RALYL: variants seen among roughly 807,000 people sequenced by gnomAD.
RALYL encodes the protein RNA-binding Raly-like protein.
In RALYL, 29 loss-of-function variants were observed where a neutral mutation model predicts 35.1. The observed-to-expected ratio is 0.83, with a 90% confidence interval of 0.61 to 1.13. The LOEUF (loss-of-function observed/expected upper bound fraction) is 1.13. RALYL is among the 50% of genes most tolerant of loss of function. RALYL has a pLI of 0.00. For synonymous variants in RALYL, 120 were observed against 127.6 expected, an observed-to-expected ratio of 0.94 and a Z score of 0.40; for missense variants, 359 against 360.4, an observed-to-expected ratio of 1.00 and a Z score of 0.03.
chr8:84,693,650 A>C (rs1838535716), intron 2 of RALYL, among the ~76,000 whole-genome samples: 1 of 151,946 alleles, frequency 6.6e-6, no homozygotes, highest in Non-Finnish European at 1.5e-5. Flanking sequence ...AAAGCCTGAC[A>C]AAGGCACTAC....
chr8:84,217,340 T>C (rs1821073516), intron 1 of RALYL, among the ~76,000 whole-genome samples: 1 of 152,110 alleles, frequency 6.6e-6, no homozygotes. Flanking sequence ...ATAAAAATTG[T>C]CTAGCAAATA....
intron 8 of RALYL, among the ~76,000 whole-genome samples, chr8:84,906,282 ATTT>A (rs5892933): frequency 6.6e-6 from 1 of 151,908 alleles, no homozygotes; most frequent in East Asian, 2.0e-4. Context: ...GACTTTAATG[ATTT>A]TTTTCTAGCT....
chr8:84,261,650 A>G (rs2895920), intron 1 of RALYL, among the ~76,000 whole-genome samples: 66,122 of 152,006 alleles, frequency 0.43, 14,569 homozygotes, highest in East Asian at 0.53. Flanking sequence ...TTTTTTTTCT[A>G]TAGAACACTA....
intron 3 of RALYL, among the ~76,000 whole-genome samples, chr8:84,796,469 A>G (rs1256927529): frequency 6.6e-6 from 1 of 152,224 alleles, no homozygotes; most frequent in Non-Finnish European, 1.5e-5. Flanking sequence ...TTAAATCTTT[A>G]GGCAATAAAT....
intron 2 of RALYL, among the ~76,000 whole-genome samples, chr8:84,719,322 C>A (rs1399794684): frequency 4.6e-5 from 7 of 152,096 alleles, no homozygotes; most frequent in Non-Finnish European, 8.8e-5. Flanking sequence ...TAGTCATTTG[C>A]CCCAAATATG....
chr8:84,847,234 T>A (rs1834854372), intron 4 of RALYL, among the ~76,000 whole-genome samples: 1 of 152,170 alleles, frequency 6.6e-6, no homozygotes, highest in South Asian at 2.1e-4. Flanking sequence ...TCTGTGGGGA[T>A]CATGGCATCT....
In RALYL at chr8:84,732,529, G is replaced by T. The variant is rs1018122722; in HGVS notation, c.257-42050G>T. Among the ~76,000 whole-genome samples the T allele has an allele frequency of 5.3e-5, 8 of 151,568 alleles. 1 individual carries two copies. Among genetic ancestry groups the T allele is most frequent in the African/African-American group, 9.7e-5 (4 of 41,238 alleles). ...CAGGGTCACAAAGAACAAAACTAAT[G>T]TTTTTTGAGGGAGAAATGTCATTTC... On this transcript the variant is annotated intron_variant, in intron 2 of 8. Coordinates refer to ENST00000521268, the MANE Select transcript of RALYL (RefSeq NM_173848.7).
At chr8:84,350,197 A>G (rs1301372129) in intron 1 of RALYL, among the ~76,000 whole-genome samples, 1 of 150,428 alleles carries the variant, frequency 6.6e-6, no homozygotes, top group East Asian at 1.9e-4. Flanking sequence ...AATATCCACC[A>G]CAGTTGGCTA....
chr8:84,782,451 G>A (rs987527625), intron 3 of RALYL, among the ~76,000 whole-genome samples: 22 of 152,214 alleles, frequency 1.4e-4, no homozygotes, highest in African/African-American at 5.3e-4. Flanking sequence ...GGGATAGAAA[G>A]GGCTGAAATT....
chr8:84,352,016 C>T (rs915536447), intron 1 of RALYL, among the ~76,000 whole-genome samples: 2 of 150,292 alleles, frequency 1.3e-5, no homozygotes, highest in African/African-American at 5.0e-5. Flanking sequence ...AAACCTGAAT[C>T]TTACCCCACA....
At chr8:84,765,132 C>T (rs865896092) in intron 2 of RALYL, among the ~76,000 whole-genome samples, 1 of 152,154 alleles carries the variant, frequency 6.6e-6, no homozygotes, top group Non-Finnish European at 1.5e-5. Flanking sequence ...ATTTTCTTCT[C>T]CTCTGCTGCC....
chr8:84,351,453 C>T (rs1477745204), intron 1 of RALYL, among the ~76,000 whole-genome samples: 4 of 149,642 alleles, frequency 2.7e-5, no homozygotes, highest in Non-Finnish European at 5.9e-5. Context: ...TCCTGTGGTA[C>T]AGAGGGACTT....
At chr8:84,706,099 G>T in intron 2 of RALYL, 1 of 1,524,174 alleles carries the variant, frequency 6.6e-7, no homozygotes, top group Non-Finnish European at 8.8e-7. Flanking sequence ...TATCACTGGG[G>T]TAGGGAAAAC....
intron 4 of RALYL, among the ~76,000 whole-genome samples, chr8:84,824,552 C>A (rs1465084423): frequency 2.6e-5 from 4 of 152,068 alleles, no homozygotes; most frequent in Non-Finnish European, 4.4e-5. Context: ...GCCTGAATAT[C>A]CAAAACAATC....
chr8:84,619,239 G>T (rs578191671), intron 2 of RALYL, among the ~76,000 whole-genome samples: 1 of 151,864 alleles, frequency 6.6e-6, no homozygotes, highest in Non-Finnish European at 1.5e-5. Context: ...AAGTCTCTTT[G>T]TAGGTCACTC....
intron 8 of RALYL, among the ~76,000 whole-genome samples, chr8:84,905,486 G>A (rs1846334676): frequency 6.6e-6 from 1 of 152,112 alleles, no homozygotes; most frequent in Non-Finnish European, 1.5e-5. Context: ...TATTTGGGGA[G>A]AGGGGGACCT....
chr8:84,446,505 G>A (rs932499851), intron 1 of RALYL, among the ~76,000 whole-genome samples: 2 of 151,988 alleles, frequency 1.3e-5, no homozygotes, highest in Non-Finnish European at 2.9e-5. Flanking sequence ...GCTGTCTCAT[G>A]GACCATCTGT....
At chr8:84,622,567 G>T (rs1257157887) in intron 2 of RALYL, among the ~76,000 whole-genome samples, 1 of 152,084 alleles carries the variant, frequency 6.6e-6, no homozygotes, top group African/African-American at 2.4e-5. Flanking sequence ...TGTGTCCAGG[G>T]ATCAGGACAA....
chr8:84,788,412 A>G (rs1820043285), intron 3 of RALYL, among the ~76,000 whole-genome samples: 2 of 152,204 alleles, frequency 1.3e-5, no homozygotes, highest in African/African-American at 2.4e-5. Flanking sequence ...TACATAATGC[A>G]ATTTTTCTTT....
Sources: gnomAD v4.1 joint callset for allele counts (sites outside exome capture counted in the v4.1 genomes callset) on GRCh38, gnomAD v4.1.1 for gene constraint, MANE v1.5 for transcripts, NCBI Gene and HGNC (gene_info 2026-07-23, HGNC 2026-07-21) for gene names.